ARMC8: variants seen among roughly 807,000 people sequenced by gnomAD.
The protein encoded by ARMC8 is armadillo repeat containing 8.
ARMC8 carries 20 observed loss-of-function variants against 99.3 expected under a neutral mutation model. That is an observed-to-expected ratio of 0.20 (90% CI 0.14 to 0.29). ARMC8 has a LOEUF of 0.29. Ranked by LOEUF, ARMC8 falls within the 10% of genes least tolerant of loss-of-function variation. The pLI, the probability that ARMC8 is intolerant of heterozygous loss-of-function variation, is 1.00. For missense variants in ARMC8, 569 were observed against 809.5 expected, an observed-to-expected ratio of 0.70 and a Z score of 3.60; for synonymous variants, 263 against 278.3, an observed-to-expected ratio of 0.95 and a Z score of 0.55.
chr3:138,204,603 G>A (rs747902392), intron 1 of ARMC8, among the ~76,000 whole-genome samples: 8 of 152,108 alleles, frequency 5.3e-5, no homozygotes, highest in Non-Finnish European at 1.0e-4. Context: ...TACTGCTGTT[G>A]TCAAGATCAG....
chr3:138,224,547 C>T (rs1416512568), intron 5 of ARMC8, among the ~76,000 whole-genome samples: 5 of 152,156 alleles, frequency 3.3e-5, no homozygotes, highest in Admixed American at 6.5e-5. Flanking sequence ...GCCAGGAGTT[C>T]GAGACCAGCC....
rs990493316 is a variant in ARMC8 at position 138,291,144 on chromosome 3, C to T, written c.1988+505C>T. On this transcript the variant is annotated intron_variant, in intron 21 of 21. Transcript: ENST00000469044. ...GCTAACCTCAAAATAGCCATAAATG[C>T]TCTTCCTAGCTGTGTGTTCTCCCTT... 1.5e-4 allele frequency among the ~76,000 whole-genome samples: 23 copies of T among 152,322 alleles called. No homozygotes were observed. In the East Asian group the frequency reaches 4.4e-3, roughly 29 times the overall value.
intron 18 of ARMC8, among the ~76,000 whole-genome samples, chr3:138,278,067 CAG>C (rs985861372): frequency 2.6e-5 from 4 of 152,270 alleles, no homozygotes; most frequent in African/African-American, 9.6e-5. Context: ...ACAGTAGAGA[CAG>C]AGAACAAATC....
intron 9 of ARMC8, 129 bp downstream of exon 9, chr3:138,237,701 G>T (rs2046402359): frequency 4.3e-6 from 3 of 694,728 alleles, no homozygotes; most frequent in Non-Finnish European, 7.1e-6. Context: ...AAAGTCAGGA[G>T]TCCATCCCAC....
chr3:138,252,733 C>T (rs1291750466), intron 12 of ARMC8, among the ~76,000 whole-genome samples: 1 of 38,618 alleles, frequency 2.6e-5, no homozygotes, highest in Non-Finnish European at 5.1e-5. Context: ...GGATTACAGG[C>T]GTGAGCCACC....
chr3:138,229,170 ATATATATATATATGTATATG>A (rs1374191985), intron 6 of ARMC8, 160 bp downstream of exon 6: 28 of 46,594 alleles, frequency 6.0e-4, no homozygotes, highest in African/African-American at 1.4e-3. Flanking sequence ...ATATATATAT[ATATATATATATATGTATATG>A]TATATGTATA....
chr3:138,189,878 A>G (rs747212914), intron 1 of ARMC8, among the ~76,000 whole-genome samples: 4 of 152,194 alleles, frequency 2.6e-5, no homozygotes, highest in Non-Finnish European at 5.9e-5. Context: ...AAGGGGAATT[A>G]GTTATGAGTT....
intron 21 of ARMC8, among the ~76,000 whole-genome samples, chr3:138,293,930 C>T (rs928956114): frequency 4.6e-5 from 7 of 152,076 alleles, no homozygotes; most frequent in Admixed American, 4.6e-4. Flanking sequence ...AAACGTAAAC[C>T]GTAAAATAAT....
chr3:138,224,584 C>G (rs2045585231), intron 5 of ARMC8, among the ~76,000 whole-genome samples: 1 of 152,164 alleles, frequency 6.6e-6, no homozygotes, highest in Non-Finnish European at 1.5e-5. Context: ...ACTCCCATTT[C>G]TATTAAAACT....
chr3:138,242,211 C>G (rs1407289866), intron 11 of ARMC8, among the ~76,000 whole-genome samples: 1 of 152,154 alleles, frequency 6.6e-6, no homozygotes, highest in Non-Finnish European at 1.5e-5. Flanking sequence ...AAGAAAATTG[C>G]ATCCTAACTC....
rs1352300629 is a variant in ARMC8 at position 138,203,478 on chromosome 3, A to C, written c.46-6339A>C. 2.0e-5 allele frequency among the ~76,000 whole-genome samples: 3 copies of C among 152,180 alleles called. No individual in the cohort carries two copies. The East Asian group carries it at 5.8e-4, about 29-fold the overall frequency. On this transcript the variant is annotated intron_variant, in intron 1 of 21. Transcript: ENST00000469044. The stretch of plus-strand genomic sequence containing the variant: ...GGAGAATTCAGTTCTAAGCTCACTC[A>C]TGTGGTTGTTGGCAGGTTTTAGTTC...
Position 138,264,140 on chromosome 3 carries a change from C to G in ARMC8, c.1227C>G (p.His409Gln), listed in dbSNP as rs2048024841. 1 of 1,613,124 alleles carries G rather than the reference C, an allele frequency of 6.2e-7. No individual in the cohort carries two copies. The change falls in exon 14 of 22, where the codon CAC (histidine) becomes CAG (glutamine). Residue 409 changes from histidine to glutamine, a missense_variant. Around this residue, in one of 2 missense-constraint regions of ARMC8, gnomAD observed 227 missense variants for 417.9 expected, o/e 0.54. Transcript: ENST00000469044. Reference protein sequence around the residue: ...KVRLAAVRCLHSLSRSVQQLR... With the variant: ...KVRLAAVRCLQSLSRSVQQLR... ...TGATTATTCTTTGTAGATGTTTGCA[C>G]AGTTTATCCAGATCTGTGCAGCAGC... is the stretch of plus-strand genomic sequence containing the variant.
intron 5 of ARMC8, among the ~76,000 whole-genome samples, chr3:138,225,481 T>C (rs1430356029): frequency 6.6e-6 from 1 of 152,214 alleles, no homozygotes; most frequent in Non-Finnish European, 1.5e-5. Flanking sequence ...GCTTTCTTAC[T>C]GACAGTTAGG....
chr3:138,265,465 G>A (rs2048189039), intron 14 of ARMC8, among the ~76,000 whole-genome samples: 2 of 152,018 alleles, frequency 1.3e-5, no homozygotes, highest in African/African-American at 2.4e-5. Context: ...TATGTACTAA[G>A]CAAAGCCTTC....
chr3:138,231,715 G>A (rs1450906032), intron 6 of ARMC8, among the ~76,000 whole-genome samples: 1 of 151,714 alleles, frequency 6.6e-6, no homozygotes, highest in Non-Finnish European at 1.5e-5. Flanking sequence ...GATCCCAAGC[G>A]AGAGGATCCC....
At position 138,209,870 on chromosome 3, in the gene ARMC8, C is replaced by G; in HGVS notation, c.99C>G (p.Pro33=). ...HYVDRLFDPD[P]QKVLQGVIDM... The stretch of plus-strand genomic sequence containing the variant: ...TTGACAGGCTATTTGACCCTGATCC[C>G]CAGAAAGTTCTACAAGGTGTCATGT... The change falls in exon 2 of 22, where the codon CCC becomes CCG. Residue 33 remains proline (P), a synonymous_variant. Transcript: ENST00000469044. The G allele has an allele frequency of 1.9e-6, 3 of 1,613,720 alleles. No individual in the cohort carries two copies. Among genetic ancestry groups the G allele is most frequent in the South Asian group, 1.1e-5 (1 of 91,042 alleles).
chr3:138,264,031 T>C (rs1333312332), intron 13 of ARMC8, 100 bp from the exon 14 acceptor site: 9 of 1,115,380 alleles, frequency 8.1e-6, no homozygotes, highest in South Asian at 1.4e-5. Flanking sequence ...AATGTAGATA[T>C]GCTTGAAGTG....
intron 12 of ARMC8, chr3:138,246,820 G>A (rs528240222): frequency 1.0e-6 from 1 of 973,224 alleles, no homozygotes; most frequent in South Asian, 4.8e-5. Context: ...TAATTTCCTG[G>A]TAAGGCTAAC....
chr3:138,254,063 C>A (rs1210257699), intron 12 of ARMC8, among the ~76,000 whole-genome samples: 2 of 152,172 alleles, frequency 1.3e-5, no homozygotes, highest in African/African-American at 2.4e-5. Context: ...TATCTGTGTT[C>A]CTTCTGCATT....
Sources: gnomAD v4.1 joint callset for allele counts (sites outside exome capture counted in the v4.1 genomes callset) on GRCh38, gnomAD v4.1.1 for gene constraint, gnomAD v4.1.1 regional missense constraint, MANE v1.5 for transcripts, NCBI Gene and HGNC (gene_info 2026-07-23, HGNC 2026-07-21) for gene names.